CCSER1: variants seen among roughly 807,000 people sequenced by gnomAD.
The protein encoded by CCSER1 is serine-rich coiled-coil domain-containing protein 1.
Under a neutral mutation model 82.0 loss-of-function variants are expected in CCSER1, and 41 were observed. The ratio of observed to expected loss-of-function variants is 0.50; its 90% CI spans 0.39 to 0.65. The LOEUF is 0.65. Among genes scored for constraint, CCSER1 ranks in the 30% least tolerant of loss-of-function variants. The pLI is 0.00. For synonymous variants in CCSER1, 414 were observed against 383.9 expected, an observed-to-expected ratio of 1.08 and a Z score of -0.92; for missense variants, 1,119 against 1,064.2, an observed-to-expected ratio of 1.05 and a Z score of -0.72.
chr4:91,110,126 G>T (rs778959074), intron 10 of CCSER1, among the ~76,000 whole-genome samples: 1 of 151,672 alleles, frequency 6.6e-6, no homozygotes, highest in Non-Finnish European at 1.5e-5. Context: ...CATCAGTGTT[G>T]TCCTATGCTT....
In CCSER1 at chr4:91,540,742, A is replaced by C. The variant is rs541356061; in HGVS notation, c.2218-57830A>C. On this transcript the variant is annotated intron_variant, in intron 10 of 10. Transcript: ENST00000509176. ...TGTGAAGGATGTAAGATCTGTATCTAAATTTATTTGTTTTTGCATGTGGAT... is the reference window on the plus strand; with the variant it reads ...TGTGAAGGATGTAAGATCTGTATCTCAATTTATTTGTTTTTGCATGTGGAT... Among the ~76,000 whole-genome samples the C allele has an allele frequency of 2.0e-5, 3 of 152,230 alleles. No homozygotes were observed. The South Asian group carries it at 6.2e-4, about 32-fold the overall frequency.
intron 10 of CCSER1, among the ~76,000 whole-genome samples, chr4:91,262,909 C>A (rs1005509818): frequency 6.6e-6 from 1 of 151,792 alleles, no homozygotes; most frequent in East Asian, 1.9e-4. Context: ...CTCAGGTTAG[C>A]GCAGCCTGAC....
intron 8 of CCSER1, among the ~76,000 whole-genome samples, chr4:90,842,737 G>A (rs570838455): frequency 6.6e-6 from 1 of 152,306 alleles, no homozygotes; most frequent in African/African-American, 2.4e-5. Flanking sequence ...GTAAGGTATA[G>A]GCAGGGATTC....
chr4:90,750,646 G>C (rs949255850), intron 7 of CCSER1, among the ~76,000 whole-genome samples: 2 of 152,094 alleles, frequency 1.3e-5, no homozygotes, highest in African/African-American at 4.8e-5. Flanking sequence ...CCGATATAGA[G>C]ATATTTAGTA....
intron 10 of CCSER1, among the ~76,000 whole-genome samples, chr4:91,186,905 C>A (rs987974354): frequency 1.3e-5 from 2 of 152,196 alleles, no homozygotes; most frequent in Non-Finnish European, 2.9e-5. Flanking sequence ...TCCTGTAAAC[C>A]CACAATCTTC....
At chr4:90,226,078 C>T (rs1309438559) in intron 1 of CCSER1, among the ~76,000 whole-genome samples, 1 of 152,156 alleles carries the variant, frequency 6.6e-6, no homozygotes, top group Non-Finnish European at 1.5e-5. Context: ...AGAGAGATGC[C>T]TGGTTAGCTA....
chr4:90,631,714 G>A (rs1403117575), intron 6 of CCSER1, among the ~76,000 whole-genome samples: 1 of 152,092 alleles, frequency 6.6e-6, no homozygotes, highest in Admixed American at 6.6e-5. Context: ...TATACAGGTC[G>A]AGCATCCCTA....
chr4:90,539,573 T>C (rs753536912), intron 5 of CCSER1, among the ~76,000 whole-genome samples: 9 of 152,112 alleles, frequency 5.9e-5, no homozygotes, highest in Non-Finnish European at 1.2e-4. Context: ...CAGACTCTAA[T>C]TGGGTAGGGA....
At chr4:90,805,313 A>C (rs1757363962) in intron 7 of CCSER1, among the ~76,000 whole-genome samples, 1 of 151,632 alleles carries the variant, frequency 6.6e-6, no homozygotes, top group African/African-American at 2.4e-5. Flanking sequence ...GCTCATACTC[A>C]CAGTATTCAA....
intron 6 of CCSER1, among the ~76,000 whole-genome samples, chr4:90,700,760 T>C (rs1737919602): frequency 6.6e-6 from 1 of 152,256 alleles, no homozygotes; most frequent in Non-Finnish European, 1.5e-5. Flanking sequence ...CATTTGTTCA[T>C]GTGTCTGTTG....
In CCSER1 at chr4:90,143,324, G is replaced by T. The variant is rs535506986; in HGVS notation, c.-42+15493G>T. On this transcript the variant is annotated intron_variant, in intron 1 of 10. Transcript: ENST00000509176. Reference sequence around the variant, plus strand: ...TGCTATTTTAAACTCTCACTACCATGTACCATATACCTTTCTTTCATAGTC... The same window carrying T: ...TGCTATTTTAAACTCTCACTACCATTTACCATATACCTTTCTTTCATAGTC... Among the ~76,000 whole-genome samples, 10 of 152,094 alleles carry T rather than the reference G, an allele frequency of 6.6e-5. No individual in the cohort carries two copies. The South Asian group carries it at 2.1e-3, about 32-fold the overall frequency.
At chr4:90,143,069 T>G (rs1045518625) in intron 1 of CCSER1, among the ~76,000 whole-genome samples, 14 of 152,212 alleles carry the variant, frequency 9.2e-5, no homozygotes, top group Admixed American at 3.9e-4. Context: ...AGCCTTACTT[T>G]TTTGTACATT....
intron 1 of CCSER1, among the ~76,000 whole-genome samples, chr4:90,277,836 G>T (rs1276691474): frequency 1.3e-5 from 2 of 152,016 alleles, no homozygotes; most frequent in East Asian, 3.9e-4. Context: ...GACAAGTGAG[G>T]CCTAATTAAA....
chr4:90,814,479 T>C (rs758980379), intron 7 of CCSER1, among the ~76,000 whole-genome samples: 1 of 152,228 alleles, frequency 6.6e-6, no homozygotes, highest in African/African-American at 2.4e-5. Context: ...GTTTTTCTTT[T>C]CTACCTCATG....
intron 1 of CCSER1, among the ~76,000 whole-genome samples, chr4:90,193,664 A>T (rs1295110324): frequency 6.6e-6 from 1 of 151,890 alleles, no homozygotes; most frequent in Non-Finnish European, 1.5e-5. Flanking sequence ...TTTTTACATG[A>T]TAACACTAAT....
intron 4 of CCSER1, among the ~76,000 whole-genome samples, chr4:90,459,755 C>G (rs1031150258): frequency 2.0e-5 from 3 of 152,082 alleles, no homozygotes; most frequent in African/African-American, 7.2e-5. Context: ...ACACTTTATT[C>G]ATAATTTGTT....
At chr4:90,816,353 G>T (rs376788658) in intron 8 of CCSER1, among the ~76,000 whole-genome samples, 2 of 152,092 alleles carry the variant, frequency 1.3e-5, no homozygotes, top group Non-Finnish European at 2.9e-5. Context: ...AATATGCAGT[G>T]TGTGTGGTTC....
At chr4:91,160,680 T>A (rs1218460014) in intron 10 of CCSER1, among the ~76,000 whole-genome samples, 1 of 152,246 alleles carries the variant, frequency 6.6e-6, no homozygotes, top group African/African-American at 2.4e-5. Context: ...GTCGATTGGC[T>A]GCATAAATGC....
intron 1 of CCSER1, among the ~76,000 whole-genome samples, chr4:90,217,942 C>T (rs1342692967): frequency 6.6e-6 from 1 of 151,936 alleles, no homozygotes; most frequent in Non-Finnish European, 1.5e-5. Flanking sequence ...ACTACAGACA[C>T]ACACCACCAC....
Sources: allele counts gnomAD v4.1 joint callset (sites outside exome capture counted in the v4.1 genomes callset), GRCh38; gene constraint gnomAD v4.1.1; transcripts MANE v1.5; gene names NCBI Gene and HGNC (gene_info 2026-07-23, HGNC 2026-07-21).